Variants in KMT2C observed in about 807,000 individuals in gnomAD.
KMT2C encodes the protein histone-lysine N-methyltransferase 2C.
KMT2C carries 88 observed loss-of-function variants against 507.9 expected under a neutral mutation model. The observed-to-expected ratio is 0.17, with a 90% CI of 0.15 to 0.21. The LOEUF is 0.21. Ranked by LOEUF, KMT2C falls within the 10% of genes least tolerant of loss-of-function variation. The pLI is 1.00. For missense variants in KMT2C, 4,954 were observed against 5,957.8 expected, an observed-to-expected ratio of 0.83 and a Z score of 5.55; for synonymous variants, 2,049 against 2,080.8, an observed-to-expected ratio of 0.98 and a Z score of 0.42.
intron 10 of KMT2C, 62 bp downstream of exon 10, chr7:152,252,484 G>C: frequency 2.2e-6 from 3 of 1,357,976 alleles, no homozygotes; most frequent in Admixed American, 1.7e-5. Flanking sequence ...AGATGGTAGA[G>C]CAAATGACCA....
At chr7:152,424,300 C>T (rs942927053) in intron 1 of KMT2C, among the ~76,000 whole-genome samples, 2 of 151,922 alleles carry the variant, frequency 1.3e-5, no homozygotes, top group African/African-American at 2.4e-5. Context: ...TTGTTCTTAG[C>T]GTCCCTTAAT....
chr7:152,252,570 A>G lies in KMT2C; in HGVS notation c.1445T>C (p.Met482Thr), dbSNP rs962605833. The part of the protein sequence containing the change: ...KCYHPELQKD[M>T]LHCNMCKRWV... ...CCTTTTGCACATATTACAATGAAGCATGTCTTTCTGCAATTCTGGATGATA... is the reference window on the plus strand; with the variant it reads ...CCTTTTGCACATATTACAATGAAGCGTGTCTTTCTGCAATTCTGGATGATA... Residue 482 changes from methionine to threonine, a missense_variant, in exon 10 of 59, where the codon ATG becomes ACG. Around this residue, in one of 29 missense-constraint regions of KMT2C, gnomAD observed 376 missense variants for 352.4 expected, o/e 1.07. Transcript: ENST00000262189. The G allele has an allele frequency of 3.7e-6, 6 of 1,613,214 alleles. No individual in the cohort carries two copies. The African/African-American group carries it at 6.7e-5, about 18-fold the overall frequency.
chr7:152,401,102 T>G (rs2097569768), intron 1 of KMT2C, among the ~76,000 whole-genome samples: 1 of 151,398 alleles, frequency 6.6e-6, no homozygotes, highest in African/African-American at 2.4e-5. Flanking sequence ...CATTAACTTT[T>G]TTTTTTTTTT....
intron 1 of KMT2C, among the ~76,000 whole-genome samples, chr7:152,396,291 A>T (rs762630233): frequency 6.6e-6 from 1 of 152,224 alleles, no homozygotes; most frequent in South Asian, 2.1e-4. Context: ...GACAGAAAAA[A>T]ATTAATTAAA....
chr7:152,235,966 G>T, intron 15 of KMT2C, 33 bp from the exon 16 acceptor site: 1 of 1,335,982 alleles, frequency 7.5e-7, no homozygotes, highest in Non-Finnish European at 1.1e-6. Context: ...TCAACATTCT[G>T]TGACAGACCA....
rs557797224 is a variant in KMT2C at position 152,187,540 on chromosome 7, A to G, written c.4794-64T>C. 8 of 1,482,390 alleles carry G rather than the reference A, an allele frequency of 5.4e-6. No homozygotes were observed. The African/African-American group carries it at 9.9e-5, about 18-fold the overall frequency. The allele number at this position is 1,482,390 out of a possible 1,614,324, so 91.8% of individuals were successfully genotyped here. Reference sequence around the variant, plus strand: ...ATAACTTCTTAATATATGTTCAAGTATAGCTTTCATTAAAACCTATTACAA... The same window carrying G: ...ATAACTTCTTAATATATGTTCAAGTGTAGCTTTCATTAAAACCTATTACAA... On this transcript the variant is annotated intron_variant, in intron 32 of 58. Coordinates refer to ENST00000262189, the MANE Select transcript of KMT2C (RefSeq NM_170606.3).
At chr7:152,143,078 G>A (rs555562294) in intron 55 of KMT2C, among the ~76,000 whole-genome samples, 92 of 152,236 alleles carry the variant, frequency 6.0e-4, no homozygotes, top group Middle Eastern at 3.4e-3. Flanking sequence ...CACACTCCTC[G>A]AGAACACGAA....
chr7:152,356,320 A>C (rs1479364418), intron 2 of KMT2C, among the ~76,000 whole-genome samples: 1 of 152,202 alleles, frequency 6.6e-6, no homozygotes, highest in East Asian at 1.9e-4. Flanking sequence ...CACGCCTGTA[A>C]TCCTAGCATT....
chr7:152,370,353 G>C (rs1363819539), intron 1 of KMT2C, among the ~76,000 whole-genome samples: 1 of 152,112 alleles, frequency 6.6e-6, no homozygotes, highest in East Asian at 1.9e-4. Flanking sequence ...AACTATTAAA[G>C]AAATTGAATT....
intron 4 of KMT2C, among the ~76,000 whole-genome samples, chr7:152,313,467 G>T (rs2096692768): frequency 6.6e-6 from 1 of 152,038 alleles, no homozygotes; most frequent in Admixed American, 6.6e-5. Flanking sequence ...CACTAAGGAT[G>T]ACAGCAGCCC....
At chr7:152,170,638 G>A (rs1290050979) in intron 40 of KMT2C, among the ~76,000 whole-genome samples, 8 of 152,080 alleles carry the variant, frequency 5.3e-5, no homozygotes, top group African/African-American at 1.7e-4. Context: ...AAGTAGCTGG[G>A]ACTATAGGTG....
rs376396976 is a variant in KMT2C at position 152,222,695 on chromosome 7, T to C, written c.3324-13A>G. 1 of 1,468,706 alleles carries C rather than the reference T, an allele frequency of 6.8e-7. No homozygotes were observed. 91.0% of individuals were successfully genotyped at this position (1,468,706 alleles called of 1,614,324 possible). On this transcript the variant is annotated splice_polypyrimidine_tract_variant and intron_variant, in intron 20 of 58. Coordinates refer to ENST00000262189, the MANE Select transcript of KMT2C (RefSeq NM_170606.3). ...TGCATGCATCCATCTAAAAAGACCA[T>C]ATTTGTACATTTTTTTTAAAAAATG...
intron 6 of KMT2C, among the ~76,000 whole-genome samples, chr7:152,288,602 G>A (rs10447710): frequency 3.3e-5 from 5 of 151,798 alleles, no homozygotes; most frequent in African/African-American, 1.2e-4. Flanking sequence ...ACTATAATAA[G>A]TGATGCAACA....
At chr7:152,324,974 T>TC (rs2096813441) in intron 3 of KMT2C, among the ~76,000 whole-genome samples, 1 of 152,032 alleles carries the variant, frequency 6.6e-6, no homozygotes, top group Admixed American at 6.5e-5. Context: ...CTTACTGCCT[T>TC]CTACAGAAGC....
chr7:152,330,457 T>C (rs1292150540), intron 3 of KMT2C, 144 bp downstream of exon 3: 3 of 741,686 alleles, frequency 4.0e-6, no homozygotes, highest in Non-Finnish European at 6.8e-6. Flanking sequence ...AACACAGAGG[T>C]ATCAGCTTCA....
chr7:152,210,046 T>G (rs1398535116), intron 23 of KMT2C, among the ~76,000 whole-genome samples: 2 of 152,126 alleles, frequency 1.3e-5, no homozygotes, highest in African/African-American at 4.8e-5. Context: ...AACAATGGGA[T>G]GAAGACTGAA....
Position 152,181,602 on chromosome 7 carries a change from A to T in KMT2C, c.6258T>A (p.Ser2086=), listed in dbSNP as rs767550155. The T allele has an allele frequency of 6.2e-7, 1 of 1,613,934 alleles. No homozygotes were observed. Among genetic ancestry groups the T allele is most frequent in the South Asian group, 1.1e-5 (1 of 91,070 alleles). ...TATATGGATCATTTGACTGATTATGAGAAAAATTATCTATAGGTCTTGGTG... is the reference window on the plus strand; with the variant it reads ...TATATGGATCATTTGACTGATTATGTGAAAAATTATCTATAGGTCTTGGTG... ...ALTPRPIDNF[S]HNQSNDPYSQ... Residue 2086 remains serine (S), a synonymous_variant, in exon 36 of 59, where the codon TCT becomes TCA. Coordinates refer to ENST00000262189, the MANE Select transcript of KMT2C (RefSeq NM_170606.3).
At chr7:152,306,063 G>A (rs543463518) in intron 6 of KMT2C, among the ~76,000 whole-genome samples, 1 of 152,182 alleles carries the variant, frequency 6.6e-6, no homozygotes, top group South Asian at 2.1e-4. Context: ...AAAAACATGA[G>A]TTTATTTTCA....
At chr7:152,179,502 G>A (rs1177598708) in intron 37 of KMT2C, among the ~76,000 whole-genome samples, 1 of 152,058 alleles carries the variant, frequency 6.6e-6, no homozygotes, top group African/African-American at 2.4e-5. Flanking sequence ...AGAGTTCTTA[G>A]AGGAAAAAAA....
Sources: allele counts gnomAD v4.1 joint callset (sites outside exome capture counted in the v4.1 genomes callset), GRCh38; gene constraint gnomAD v4.1.1; regional missense constraint gnomAD v4.1.1; transcripts MANE v1.5; gene names NCBI Gene and HGNC (gene_info 2026-07-23, HGNC 2026-07-21).